Variants in ADGB observed in about 807,000 individuals in gnomAD.
ADGB encodes the protein androglobin.
ADGB carries 172 observed loss-of-function variants against 210.5 expected under a neutral mutation model. The ratio of observed to expected loss-of-function variants is 0.82; its 90% CI spans 0.72 to 0.93. The LOEUF (loss-of-function observed/expected upper bound fraction) is 0.93. Among genes scored for constraint, ADGB ranks in the 40% least tolerant of loss-of-function variants. The pLI is 0.00. For synonymous variants in ADGB, 658 were observed against 662.7 expected (o/e 0.99, Z 0.11); for missense variants, 2,025 against 1,964.8 (o/e 1.03, Z -0.58).
Position 146,764,561 on chromosome 6 carries a change from G to A in ADGB, c.3750+461G>A, listed in dbSNP as rs1386107212. On this transcript the variant is annotated intron_variant, in intron 28 of 35. Transcript: ENST00000397944. ...CATTGGAAACCAAAAAGTAAAATAA[G>A]TTTAAATTAAATTAAAGGAATAGAA... is the stretch of plus-strand genomic sequence containing the variant. Among the ~76,000 whole-genome samples the A allele has an allele frequency of 2.0e-5, 3 of 151,930 alleles. No homozygotes were observed. In the East Asian group the frequency reaches 5.8e-4, roughly 29 times the overall value.
chr6:146,803,295 G>C, intron 35 of ADGB: 1 of 1,606,214 alleles, frequency 6.2e-7, no homozygotes, highest in Non-Finnish European at 8.5e-7. Flanking sequence ...ACTATATTTT[G>C]ATGATGGGCT....
intron 1 of ADGB, among the ~76,000 whole-genome samples, chr6:146,616,588 T>C (rs767943266): frequency 2.0e-5 from 3 of 152,148 alleles, no homozygotes; most frequent in Non-Finnish European, 4.4e-5. Context: ...TTTAATCCGT[T>C]TTGACTTGAT....
At position 146,788,470 on chromosome 6, in the gene ADGB, G is replaced by C; in HGVS notation, c.4397G>C (p.Gly1466Ala). Reference protein sequence around the residue: ...GSESKEMTQTGSGSAVWKKWQ... With the variant: ...GSESKEMTQTASGSAVWKKWQ... ...GAGAGCAAAGAGATGACACAAACAG[G>C]ATCAGGGAGTGCGGTGTGGAAGAAG... is the stretch of plus-strand genomic sequence containing the variant. Residue 1466 changes from glycine to alanine, a missense_variant, in exon 33 of 36, where the codon GGA becomes GCA. Transcript: ENST00000397944. 6.4e-7 allele frequency: 1 copy of C among 1,551,638 alleles called. No individual in the cohort carries two copies.
chr6:146,648,893 C>T (rs1008811651), intron 3 of ADGB, among the ~76,000 whole-genome samples: 3 of 151,708 alleles, frequency 2.0e-5, no homozygotes, highest in Non-Finnish European at 4.4e-5. Context: ...AAATCCTTAA[C>T]TGTTTATCAG....
At position 146,782,120 on chromosome 6, in the gene ADGB, G is replaced by A; in HGVS notation, c.3963G>A (p.Arg1321=). The change falls in exon 30 of 36, where the codon AGG becomes AGA. Residue 1321 remains arginine (R), a synonymous_variant. Coordinates refer to ENST00000397944, the MANE Select transcript of ADGB (RefSeq NM_024694.4). ...QKSSVTSKTT[R]KGKEKSSEKE... ...CTTCAGTAACTTCCAAAACAACAAG[G>A]AAAGGCAAAGAAAAGTCTTCTGAGA... The A allele has an allele frequency of 6.5e-7, 1 of 1,547,828 alleles. No homozygotes were observed. Among genetic ancestry groups the A allele is most frequent in the Non-Finnish European group, 8.7e-7 (1 of 1,145,470 alleles).
intron 12 of ADGB, among the ~76,000 whole-genome samples, chr6:146,693,526 G>C (rs1022081812): frequency 2.0e-5 from 3 of 152,194 alleles, no homozygotes; most frequent in Non-Finnish European, 4.4e-5. Flanking sequence ...CTAACCTGTG[G>C]TATTTTGTTA....
chr6:146,638,477 C>T (rs1207669677), intron 2 of ADGB, among the ~76,000 whole-genome samples: 1 of 151,312 alleles, frequency 6.6e-6, no homozygotes, highest in African/African-American at 2.4e-5. Context: ...AGCTGGAAAC[C>T]ATCATTCTCA....
intron 20 of ADGB, among the ~76,000 whole-genome samples, chr6:146,732,881 T>C (rs954759555): frequency 2.0e-5 from 3 of 152,170 alleles, no homozygotes; most frequent in African/African-American, 7.2e-5. Context: ...ATGCTGTATT[T>C]TCATTGAGTC....
At chr6:146,770,614 G>A (rs781264750) in intron 29 of ADGB, 12 of 468,754 alleles carry the variant, frequency 2.6e-5, no homozygotes, top group African/African-American at 2.4e-4. Flanking sequence ...CCTCAGGTAT[G>A]TGTAAATCCT....
intron 2 of ADGB, 145 bp downstream of exon 2, chr6:146,635,682 C>G: frequency 2.6e-6 from 2 of 767,886 alleles, no homozygotes; most frequent in Non-Finnish European, 3.8e-6. Flanking sequence ...AGCCCCACCT[C>G]CCAACACTCC....
At chr6:146,780,733 T>C (rs985206631) in intron 29 of ADGB, among the ~76,000 whole-genome samples, 1 of 151,958 alleles carries the variant, frequency 6.6e-6, no homozygotes. Flanking sequence ...AAATAGACAA[T>C]TCAACAATAA....
chr6:146,680,239 A>G (rs1207891887), intron 9 of ADGB, among the ~76,000 whole-genome samples: 1 of 152,154 alleles, frequency 6.6e-6, no homozygotes, highest in Non-Finnish European at 1.5e-5. Context: ...CGTGCTCTCA[A>G]TTACAATTCC....
At chr6:146,688,621 C>G (rs1295604118) in intron 10 of ADGB, among the ~76,000 whole-genome samples, 1 of 152,098 alleles carries the variant, frequency 6.6e-6, no homozygotes, top group African/African-American at 2.4e-5. Flanking sequence ...CCCAGAGGTT[C>G]TGGAATTAGC....
At chr6:146,785,038 A>G (rs936958643) in intron 31 of ADGB, among the ~76,000 whole-genome samples, 1 of 152,168 alleles carries the variant, frequency 6.6e-6, no homozygotes, top group African/African-American at 2.4e-5. Flanking sequence ...ATAGGCCCAC[A>G]CTATGGGTTA....
intron 1 of ADGB, among the ~76,000 whole-genome samples, chr6:146,620,977 A>G (rs1483254547): frequency 6.6e-6 from 1 of 152,132 alleles, no homozygotes; most frequent in Non-Finnish European, 1.5e-5. Flanking sequence ...ACACTGCTCT[A>G]CTGTTGCTTT....
intron 5 of ADGB, among the ~76,000 whole-genome samples, chr6:146,662,916 T>C (rs1470325096): frequency 2.7e-5 from 4 of 146,992 alleles, no homozygotes; most frequent in Non-Finnish European, 6.0e-5. Context: ...AATCTTCTTA[T>C]ATATAATATA....
chr6:146,626,764 C>T (rs902081315), intron 1 of ADGB, among the ~76,000 whole-genome samples: 7 of 150,988 alleles, frequency 4.6e-5, no homozygotes, highest in African/African-American at 1.7e-4. Flanking sequence ...CAGTCTTTCT[C>T]GAGTTTGAGT....
At chr6:146,645,343 C>T (rs1036390021) in intron 3 of ADGB, among the ~76,000 whole-genome samples, 3 of 151,930 alleles carry the variant, frequency 2.0e-5, no homozygotes, top group South Asian at 4.1e-4. Flanking sequence ...TGCCCAACTA[C>T]GTGAATCATA....
At chr6:146,660,682 C>A (rs1775842507) in intron 5 of ADGB, among the ~76,000 whole-genome samples, 1 of 152,074 alleles carries the variant, frequency 6.6e-6, no homozygotes, top group Admixed American at 6.6e-5. Flanking sequence ...TTTACCAAAA[C>A]AAACAATGCT....
Sources: allele counts gnomAD v4.1 joint callset (sites outside exome capture counted in the v4.1 genomes callset), GRCh38; gene constraint gnomAD v4.1.1; transcripts MANE v1.5; gene names NCBI Gene and HGNC (gene_info 2026-07-23, HGNC 2026-07-21).